The following RNF212 variants were observed in gnomAD, a reference collection of about 807,000 sequenced individuals.
The protein encoded by RNF212 is ring finger protein 212, also known as probable E3 SUMO-protein ligase RNF212.
RNF212 carries 33 observed loss-of-function variants against 34.7 expected under a neutral mutation model. The observed-to-expected ratio is 0.95, with a 90% confidence interval of 0.72 to 1.27. The LOEUF (loss-of-function observed/expected upper bound fraction) is 1.27, where lower values mean the gene tolerates loss of function less well. RNF212 is among the 50% of genes most tolerant of loss of function. RNF212 has a pLI of 0.00. For missense variants in RNF212, 377 were observed against 362.2 expected, an observed-to-expected ratio of 1.04 and a Z score of -0.33; for synonymous variants, 140 against 136.1, an observed-to-expected ratio of 1.03 and a Z score of -0.20.
At chr4:1,090,117 G>A (rs1721953583) in intron 4 of RNF212, among the ~76,000 whole-genome samples, 1 of 150,158 alleles carries the variant, frequency 6.7e-6, no homozygotes, top group African/African-American at 2.5e-5. Context: ...TGGGGTTGGG[G>A]TGACAGGACA....
At chr4:1,102,406 G>T (rs576370134) in intron 2 of RNF212, among the ~76,000 whole-genome samples, 2 of 152,178 alleles carry the variant, frequency 1.3e-5, no homozygotes, top group African/African-American at 4.8e-5. Context: ...TGTATCTCAT[G>T]AATACTGTAT....
At chr4:1,105,987 G>A (rs1724755200) in intron 2 of RNF212, among the ~76,000 whole-genome samples, 1 of 152,230 alleles carries the variant, frequency 6.6e-6, no homozygotes, top group Non-Finnish European at 1.5e-5. Flanking sequence ...CAGGCCACAG[G>A]GCCTACATGC....
At chr4:1,083,067 A>G (rs988195689) in intron 5 of RNF212, among the ~76,000 whole-genome samples, 4 of 152,210 alleles carry the variant, frequency 2.6e-5, no homozygotes, top group African/African-American at 9.7e-5. Flanking sequence ...AGCACATGGG[A>G]ATCCTCTCTG....
chr4:1,096,974 A>C (rs661364), intron 2 of RNF212, 135 bp from the exon 3 acceptor site: 83,354 of 709,482 alleles, frequency 0.12, 7,891 homozygotes, highest in African/African-American at 0.41. Context: ...ATGGCCTCTC[A>C]GGGGCCCTGC....
In RNF212 at chr4:1,099,842, C is replaced by A. The variant is rs1224561603; in HGVS notation, c.172-3003G>T. ...CCGACGGCGCAAGCGGACACGGGTACCCCTGTGCGGGATCCACGGGGCTCT... is the reference window on the plus strand; with the variant it reads ...CCGACGGCGCAAGCGGACACGGGTAACCCTGTGCGGGATCCACGGGGCTCT... On this transcript the variant is annotated intron_variant, in intron 2 of 9. Coordinates refer to ENST00000433731, the MANE Select transcript of RNF212 (RefSeq NM_001131034.4). 1.5e-5 allele frequency: 7 copies of A among 456,240 alleles called. No individual in the cohort carries two copies. In the Admixed American group the frequency reaches 1.6e-4, roughly 11 times the overall value. 28.3% of individuals were successfully genotyped at this position (456,240 alleles called of 1,614,324 possible).
At chr4:1,066,649 A>G (rs1040340152), downstream of RNF212, among the ~76,000 whole-genome samples, 4 of 152,130 alleles carry the variant, frequency 2.6e-5, no homozygotes, top group Non-Finnish European at 2.9e-5. Flanking sequence ...TTTTTGAATC[A>G]GGTTGTTCGT....
Position 1,090,979 on chromosome 4 carries a change from C to A in RNF212, c.247-141G>T, listed in dbSNP as rs1722102136. ...TACGTGTGTCCTGCCCCCACAGACG[C>A]CCATGGCCAGTGCTTGCACAGGCAG... On this transcript the variant is annotated intron_variant, in intron 3 of 9. Coordinates refer to ENST00000433731, the MANE Select transcript of RNF212 (RefSeq NM_001131034.4). The A allele has an allele frequency of 6.6e-6, 4 of 607,160 alleles. No homozygotes were observed. The Admixed American group carries it at 1.2e-4, about 19-fold the overall frequency. 37.6% of individuals were successfully genotyped at this position (607,160 alleles called of 1,614,324 possible). A position where few individuals can be genotyped will look rare whatever the true frequency, so the allele number is the denominator to read the frequency against.
At chr4:1,112,920 C>T (rs1300395764) in intron 1 of RNF212, among the ~76,000 whole-genome samples, 4 of 50,706 alleles carry the variant, frequency 7.9e-5, no homozygotes, top group East Asian at 1.1e-3. Flanking sequence ...CCTCTTTCCC[C>T]ACCCTCCCGC....
At chr4:1,113,625 A>G (rs1726185794), upstream of RNF212, 10 of 507,324 alleles carry the variant, frequency 2.0e-5, no homozygotes, top group Non-Finnish European at 2.0e-5. Flanking sequence ...CCTCCCGCCA[A>G]CCTCGCGGGT....
At chr4:1,112,925 T>C (rs1361761469) in intron 1 of RNF212, among the ~76,000 whole-genome samples, 3 of 28,306 alleles carry the variant, frequency 1.1e-4, no homozygotes, top group Non-Finnish European at 6.6e-5. Flanking sequence ...TTCCCCACCC[T>C]CCCGCAGCCC....
chr4:1,067,655 A>G (rs1463406474), downstream of RNF212, among the ~76,000 whole-genome samples: 1 of 152,234 alleles, frequency 6.6e-6, no homozygotes, highest in African/African-American at 2.4e-5. Context: ...GCTTGAGGCC[A>G]GGGGATCGAG....
rs896909414 is a variant in RNF212 at position 1,075,440 on chromosome 4, C to T, written c.511-1778G>A. Among the ~76,000 whole-genome samples, 7 of 152,110 alleles carry T rather than the reference C, an allele frequency of 4.6e-5. No individual in the cohort carries two copies. In the East Asian group the frequency reaches 1.3e-3, roughly 29 times the overall value. On this transcript the variant is annotated intron_variant, in intron 8 of 9. Transcript: ENST00000433731. Reference sequence around the variant, plus strand: ...GGGTGGGAGGCCAAGGGGGAGCAGGCGCGTTGCAGGGCGAGCAGGCAAGAG... The same window carrying T: ...GGGTGGGAGGCCAAGGGGGAGCAGGTGCGTTGCAGGGCGAGCAGGCAAGAG...
chr4:1,099,837 G>T, intron 2 of RNF212: 1 of 456,230 alleles, frequency 2.2e-6, no homozygotes, highest in South Asian at 1.5e-5. Context: ...AAGCGGACAC[G>T]GGTACCCCTG....
At chr4:1,102,225 C>T (rs184390351) in intron 2 of RNF212, among the ~76,000 whole-genome samples, 4 of 152,236 alleles carry the variant, frequency 2.6e-5, no homozygotes, top group East Asian at 1.9e-4. Context: ...AAAATGGACA[C>T]GATCAACAGA....
rs1718716405 is a variant in RNF212, at chr4:1,073,195, T to C, written c.575-2A>G. 1.7e-5 allele frequency: 27 copies of C among 1,613,182 alleles called. No homozygotes were observed. The highest frequency in any genetic ancestry group is 2.3e-5 in the Non-Finnish European group (27 of 1,179,430). On this transcript the variant is annotated splice_acceptor_variant, in intron 9 of 9. Coordinates refer to ENST00000433731, the MANE Select transcript of RNF212 (RefSeq NM_001131034.4). LOFTEE classifies it high-confidence loss of function. ...AGAAAGAAGCTGTTAGATGTGGCCC[T>C]GCGGGAAGATGCAGGAGACAGCGTG...
chr4:1,078,590 T>C (rs1014661983), intron 8 of RNF212, among the ~76,000 whole-genome samples: 2 of 152,236 alleles, frequency 1.3e-5, no homozygotes, highest in Non-Finnish European at 2.9e-5. Flanking sequence ...CAAAGTTTAC[T>C]ACTGTCTTCT....
At chr4:1,096,890 T>C (rs367781069) in intron 2 of RNF212, 51 bp from the exon 3 acceptor site, 6 of 1,356,648 alleles carry the variant, frequency 4.4e-6, no homozygotes, top group Non-Finnish European at 6.4e-6. Context: ...TAAACGCTTC[T>C]GGCCCCCAGT....
chr4:1,063,221 T>C (rs912189120), intron 3 of RNF212, among the ~76,000 whole-genome samples: 2 of 152,172 alleles, frequency 1.3e-5, no homozygotes, highest in African/African-American at 2.4e-5. Context: ...AAAATTCATA[T>C]GGAAATGCAA....
chr4:1,103,727 C>A (rs1419147599), intron 2 of RNF212, among the ~76,000 whole-genome samples: 1 of 151,996 alleles, frequency 6.6e-6, no homozygotes. Flanking sequence ...AATTCAATAC[C>A]ATTCATGATG....
Sources: gnomAD v4.1 joint callset for allele counts (sites outside exome capture counted in the v4.1 genomes callset) on GRCh38, gnomAD v4.1.1 for gene constraint, MANE v1.5 for transcripts, NCBI Gene and HGNC (gene_info 2026-07-23, HGNC 2026-07-21) for gene names.